The following RAE1 variants were observed in gnomAD, a reference collection of about 807,000 sequenced individuals.
RAE1 encodes ribonucleic acid export 1.
RAE1 carries 13 observed loss-of-function variants against 52.7 expected under a neutral mutation model. The observed-to-expected ratio is 0.25, with a 90% CI of 0.16 to 0.39. The LOEUF (loss-of-function observed/expected upper bound fraction) is 0.39, where lower values mean the gene tolerates loss of function less well. RAE1 is among the 10% of genes least tolerant of loss of function. RAE1 has a pLI of 1.00. For missense variants in RAE1, 262 were observed against 459.8 expected (o/e 0.57, Z 3.93); for synonymous variants, 164 against 153.1 (o/e 1.07, Z -0.52).
chr20:57,355,843 T>G lies in RAE1; in HGVS notation c.196-603T>G, dbSNP rs532450823. Among the ~76,000 whole-genome samples, 3 of 152,260 alleles carry G rather than the reference T, an allele frequency of 2.0e-5. No homozygotes were observed. The East Asian group carries it at 5.8e-4, about 29-fold the overall frequency. ...TTCTACATGTAATTTTTAGAAAGAT[T>G]TCAGATTATTTGCTGCTTAAAAAAA... On this transcript the variant is annotated intron_variant, in intron 3 of 11. Coordinates refer to ENST00000395841, the MANE Select transcript of RAE1 (RefSeq NM_003610.4).
intron 4 of RAE1, chr20:57,358,563 G>A (rs936944295): frequency 1.3e-5 from 2 of 155,362 alleles, no homozygotes; most frequent in African/African-American, 4.8e-5. Context: ...GTAGTAGGAG[G>A]AATGTTAAGT....
intron 1 of RAE1, chr20:57,351,658 A>G (rs2066711016): frequency 9.1e-6 from 9 of 985,410 alleles, no homozygotes; most frequent in Non-Finnish European, 1.1e-5. Flanking sequence ...GAAGGGTCAC[A>G]TTGCGTTAAT....
At position 57,374,746 on chromosome 20, in the gene RAE1, G is replaced by A; in HGVS notation, c.965G>A (p.Cys322Tyr). The change falls in exon 11 of 12, where the codon TGT becomes TAT. Residue 322 changes from cysteine (C) to tyrosine (Y), a missense_variant. Physicochemically the swap from Cys to Tyr is radical, Grantham distance 194. Coordinates refer to ENST00000395841, the MANE Select transcript of RAE1 (RefSeq NM_003610.4). ...TTAGATCAGCCCATCTCAGCTTGCT[G>A]TTTCAATCACAATGGAAACATATTT... The part of the protein sequence containing the change: ...EQLDQPISAC[C>Y]FNHNGNIFAY... 6.2e-7 allele frequency: 1 copy of A among 1,614,218 alleles called. No individual in the cohort carries two copies. The highest frequency in any genetic ancestry group is 8.5e-7 in the Non-Finnish European group (1 of 1,180,040).
chr20:57,378,584 T>G lies in RAE1; in HGVS notation c.*485T>G, dbSNP rs1275697468. ...ACACCCTCTGGGAAATGCGGCAACC[T>G]TAGGGGAAAGGGAGTCCCCAGCTGC... On this transcript the variant is annotated 3_prime_UTR_variant, in exon 12 of 12. Coordinates refer to ENST00000395841, the MANE Select transcript of RAE1 (RefSeq NM_003610.4). The G allele has an allele frequency of 1.3e-5, 2 of 153,812 alleles. No homozygotes were observed. Among genetic ancestry groups the G allele is most frequent in the African/African-American group, 2.4e-5 (1 of 41,482 alleles). The allele number at this position is 153,812 out of a possible 1,614,324, so 9.5% of individuals were successfully genotyped here.
intron 3 of RAE1, among the ~76,000 whole-genome samples, chr20:57,355,424 A>G (rs538801547): frequency 9.8e-5 from 15 of 152,352 alleles, no homozygotes; most frequent in African/African-American, 3.4e-4. Context: ...TAAAAGAATA[A>G]TAGTGCCAGC....
At chr20:57,374,858 T>A (rs763574574) in intron 11 of RAE1, 57 bp downstream of exon 11, 51 of 1,592,534 alleles carry the variant, frequency 3.2e-5, no homozygotes, top group Non-Finnish European at 3.4e-6. Flanking sequence ...AGGCTCTGGG[T>A]TCAGAAGGCC....
chr20:57,358,389 G>C (rs2066830645), intron 4 of RAE1: 1 of 152,170 alleles, frequency 6.6e-6, no homozygotes, highest in African/African-American at 2.4e-5. Context: ...AAGAGGAGTT[G>C]AACCTCTGAT....
At chr20:57,360,320 C>G (rs374491853) in intron 4 of RAE1, among the ~76,000 whole-genome samples, 1 of 152,322 alleles carries the variant, frequency 6.6e-6, no homozygotes, top group Non-Finnish European at 1.5e-5. Flanking sequence ...CTTGCCACCT[C>G]ATGGGCTACA....
At chr20:57,356,623 A>G (rs2066791829) in intron 4 of RAE1, 85 bp downstream of exon 4, 1 of 1,131,058 alleles carries the variant, frequency 8.8e-7, no homozygotes, top group Non-Finnish European at 1.3e-6. Context: ...CACAAATAGC[A>G]TATATGTGTT....
chr20:57,378,278 T>C lies in RAE1; in HGVS notation c.*179T>C. 1 of 555,332 alleles carries C rather than the reference T, an allele frequency of 1.8e-6. No individual in the cohort carries two copies. Among genetic ancestry groups the C allele is most frequent in the Non-Finnish European group, 3.2e-6 (1 of 311,816 alleles). 34.4% of individuals were successfully genotyped at this position (555,332 alleles called of 1,614,324 possible). On this transcript the variant is annotated 3_prime_UTR_variant, in exon 12 of 12. Transcript: ENST00000395841. ...GGCGTCCGCGGCGACTTGCCGTCTC[T>C]CCATTCCACTGCCTGTTGCAGAGTT...
chr20:57,354,677 G>C (rs74384213), intron 2 of RAE1, 35 bp from the exon 3 acceptor site: 1 of 1,446,422 alleles, frequency 6.9e-7, no homozygotes, highest in Non-Finnish European at 9.4e-7. Context: ...AGTTGTGAGC[G>C]TGCATACATT....
intron 4 of RAE1, among the ~76,000 whole-genome samples, chr20:57,362,004 T>A (rs1431164666): frequency 1.3e-5 from 2 of 152,194 alleles, no homozygotes; most frequent in Non-Finnish European, 2.9e-5. Flanking sequence ...CGAACCCTGT[T>A]GTGAAGTGCA....
chr20:57,363,102 A>G (rs969981422), intron 4 of RAE1, among the ~76,000 whole-genome samples: 1 of 152,250 alleles, frequency 6.6e-6, no homozygotes, highest in Non-Finnish European at 1.5e-5. Flanking sequence ...ATTCTTGAAA[A>G]GTAAACCATT....
At chr20:57,375,179 A>G (rs1486499611) in intron 11 of RAE1, 13 of 614,608 alleles carry the variant, frequency 2.1e-5, no homozygotes, top group African/African-American at 2.0e-4. Context: ...AGGGGGAGTT[A>G]GGAGCTGGCA....
At chr20:57,365,658 G>A (rs1262336008) in intron 5 of RAE1, among the ~76,000 whole-genome samples, 3 of 152,108 alleles carry the variant, frequency 2.0e-5, no homozygotes, top group African/African-American at 7.2e-5. Context: ...TCTTGTCATG[G>A]ATCTTCATAT....
intron 1 of RAE1, among the ~76,000 whole-genome samples, chr20:57,353,603 T>C (rs1315492222): frequency 2.0e-5 from 3 of 152,256 alleles, no homozygotes; most frequent in Non-Finnish European, 4.4e-5. Flanking sequence ...GAATGCCCAC[T>C]AGGTGGAAAC....
chr20:57,352,465 GGA>G (rs2066724381), intron 1 of RAE1, among the ~76,000 whole-genome samples: 1 of 152,218 alleles, frequency 6.6e-6, no homozygotes, highest in South Asian at 2.1e-4. Context: ...CAGCAAGGCG[GGA>G]GAGAGCGGGA....
At chr20:57,351,501 C>G in intron 1 of RAE1, 79 bp downstream of exon 1, 1 of 985,454 alleles carries the variant, frequency 1.0e-6, no homozygotes, top group Non-Finnish European at 1.2e-6. Flanking sequence ...CCCGGGAGCG[C>G]GCTTCTGCGG....
At chr20:57,356,662 CATAAAT>C (rs2066792633) in intron 4 of RAE1, 124 bp downstream of exon 4, 1 of 890,538 alleles carries the variant, frequency 1.1e-6, no homozygotes, top group Non-Finnish European at 1.6e-6. Context: ...AGTTTCTGAA[CATAAAT>C]ATAGTCATTT....
Sources: allele counts gnomAD v4.1 joint callset (sites outside exome capture counted in the v4.1 genomes callset), GRCh38; gene constraint gnomAD v4.1.1; transcripts MANE v1.5; gene names NCBI Gene and HGNC (gene_info 2026-07-23, HGNC 2026-07-21).